The following CLASP2 variants were observed in gnomAD, a reference collection of about 807,000 sequenced individuals.
CLASP2 encodes CLIP-associating protein 2.
Under a neutral mutation model 194.4 loss-of-function variants are expected in CLASP2, and 47 were observed. The observed-to-expected ratio is 0.24, with a 90% confidence interval of 0.19 to 0.31. The LOEUF is 0.31. Ranked by LOEUF, CLASP2 falls within the 10% of genes least tolerant of loss-of-function variation. The pLI is 1.00. For synonymous variants in CLASP2, 619 were observed against 633.5 expected (o/e 0.98, Z 0.34); for missense variants, 1,445 against 1,823.6 (o/e 0.79, Z 3.78).
intron 7 of CLASP2, chr3:33,645,490 T>C (rs555298095): frequency 5.5e-5 from 32 of 579,896 alleles, no homozygotes; most frequent in Non-Finnish European, 9.2e-5. Context: ...CCCTAGGTGC[T>C]GTAACAGCCA....
chr3:33,530,065 C>T (rs1297619874), intron 34 of CLASP2, among the ~76,000 whole-genome samples: 1 of 149,416 alleles, frequency 6.7e-6, no homozygotes, highest in Non-Finnish European at 1.5e-5. Flanking sequence ...GACAACAATG[C>T]CTTCTTGTGG....
chr3:33,679,175 G>A (rs1455532123), intron 6 of CLASP2, among the ~76,000 whole-genome samples: 3 of 152,060 alleles, frequency 2.0e-5, no homozygotes, highest in Non-Finnish European at 4.4e-5. Context: ...TAGGTCAACT[G>A]GACATTCACA....
At chr3:33,673,939 A>G (rs936501746) in intron 6 of CLASP2, among the ~76,000 whole-genome samples, 1 of 151,310 alleles carries the variant, frequency 6.6e-6, no homozygotes, top group Non-Finnish European at 1.5e-5. Flanking sequence ...CCAGATTCAT[A>G]AAGAAAGTCC....
intron 34 of CLASP2, among the ~76,000 whole-genome samples, chr3:33,534,619 T>C (rs567850251): frequency 6.6e-6 from 1 of 152,200 alleles, no homozygotes; most frequent in South Asian, 2.1e-4. Context: ...CATCAGTTTT[T>C]ATACAACTTA....
At chr3:33,697,495 AG>A (rs1413354945) in intron 1 of CLASP2, among the ~76,000 whole-genome samples, 6 of 152,364 alleles carry the variant, frequency 3.9e-5, no homozygotes, top group Middle Eastern at 3.4e-3. Context: ...TGACGTCACC[AG>A]GCAATAGGAA....
intron 29 of CLASP2, 79 bp from the exon 30 acceptor site, chr3:33,551,474 G>GTGA: frequency 7.1e-7 from 1 of 1,404,104 alleles, no homozygotes; most frequent in Non-Finnish European, 9.6e-7. Flanking sequence ...AAATAATCAG[G>GTGA]TGATGATGAT....
intron 16 of CLASP2, among the ~76,000 whole-genome samples, chr3:33,606,049 TAG>T (rs1560275382): frequency 6.6e-6 from 1 of 152,008 alleles, no homozygotes; most frequent in East Asian, 1.9e-4. Context: ...CTCATAGGGC[TAG>T]AGAGACAGAA....
chr3:33,688,836 A>G (rs939232550), intron 3 of CLASP2, among the ~76,000 whole-genome samples: 1 of 152,048 alleles, frequency 6.6e-6, no homozygotes, highest in Non-Finnish European at 1.5e-5. Flanking sequence ...TTAATGCTGG[A>G]TCCAAATTCA....
At chr3:33,668,981 T>C (rs1046049476) in intron 6 of CLASP2, among the ~76,000 whole-genome samples, 4 of 152,174 alleles carry the variant, frequency 2.6e-5, no homozygotes, top group African/African-American at 9.7e-5. Flanking sequence ...TACCTGCATA[T>C]GATAAAACCC....
chr3:33,559,872 C>A (rs1245025996), intron 28 of CLASP2, among the ~76,000 whole-genome samples: 1 of 151,532 alleles, frequency 6.6e-6, no homozygotes, highest in Non-Finnish European at 1.5e-5. Context: ...CCAGCATGGG[C>A]AACAAGAGTG....
At position 33,498,586 on chromosome 3, in the gene CLASP2, T is replaced by A. The variant is rs768189073; in HGVS notation, c.*45A>T. ...TCCTTTCATTGATGAGGGTGGTCTA[T>A]CTGTCCTTTCTTTTGAGAGACCTGG... On this transcript the variant is annotated 3_prime_UTR_variant, in exon 39 of 39. Coordinates refer to ENST00000682230, the MANE Select transcript of CLASP2 (RefSeq NM_001365631.1). The A allele has an allele frequency of 3.2e-6, 4 of 1,268,038 alleles. No individual in the cohort carries two copies. Among genetic ancestry groups the A allele is most frequent in the Non-Finnish European group, 4.6e-6 (4 of 870,882 alleles). 78.5% of individuals were successfully genotyped at this position (1,268,038 alleles called of 1,614,324 possible).
intron 27 of CLASP2, among the ~76,000 whole-genome samples, chr3:33,562,493 TAG>T (rs1319844817): frequency 6.6e-6 from 1 of 152,222 alleles, no homozygotes; most frequent in Non-Finnish European, 1.5e-5. Context: ...TGCACCTGTC[TAG>T]AGAGTCAATT....
intron 34 of CLASP2, among the ~76,000 whole-genome samples, chr3:33,524,315 T>G (rs1283340185): frequency 6.6e-6 from 1 of 152,122 alleles, no homozygotes; most frequent in Non-Finnish European, 1.5e-5. Flanking sequence ...TATCAATAAG[T>G]AATAGTCAGA....
intron 34 of CLASP2, among the ~76,000 whole-genome samples, chr3:33,532,565 G>T (rs766119208): frequency 6.6e-6 from 1 of 152,170 alleles, no homozygotes; most frequent in Non-Finnish European, 1.5e-5. Context: ...TTGGAAAAAA[G>T]ATATTATTGG....
intron 18 of CLASP2, 112 bp downstream of exon 18, chr3:33,602,840 T>G (rs773056473): frequency 1.2e-5 from 13 of 1,097,082 alleles, no homozygotes; most frequent in South Asian, 4.0e-5. Context: ...TTAAAACATA[T>G]GGACTATCCT....
At chr3:33,537,941 A>G (rs1363063147) in intron 33 of CLASP2, among the ~76,000 whole-genome samples, 1 of 152,126 alleles carries the variant, frequency 6.6e-6, no homozygotes, top group Non-Finnish European at 1.5e-5. Flanking sequence ...GGAGATCGAG[A>G]CCATCCTGGC....
chr3:33,573,007 C>G, intron 25 of CLASP2, 103 bp downstream of exon 25: 1 of 1,339,072 alleles, frequency 7.5e-7, no homozygotes, highest in Non-Finnish European at 1.0e-6. Flanking sequence ...GAATTCAGGA[C>G]AAGTCTGTTT....
chr3:33,647,174 T>C (rs2082410107), intron 7 of CLASP2, among the ~76,000 whole-genome samples: 4 of 152,290 alleles, frequency 2.6e-5, no homozygotes, highest in African/African-American at 9.6e-5. Context: ...TGAGCCTTAC[T>C]GAGGAAGTAG....
At chr3:33,634,375 C>T (rs1254249027) in intron 8 of CLASP2, among the ~76,000 whole-genome samples, 1 of 152,090 alleles carries the variant, frequency 6.6e-6, no homozygotes, top group Non-Finnish European at 1.5e-5. Flanking sequence ...AAGGGCCACA[C>T]AGTAATATTT....
Sources: gnomAD v4.1 joint callset for allele counts (sites outside exome capture counted in the v4.1 genomes callset) on GRCh38, gnomAD v4.1.1 for gene constraint, MANE v1.5 for transcripts, NCBI Gene and HGNC (gene_info 2026-07-23, HGNC 2026-07-21) for gene names.